NMNAT1: variants seen among roughly 807,000 people sequenced by gnomAD.
NMNAT1 encodes the protein nicotinamide nucleotide adenylyltransferase 1.
A neutral mutation model predicts 16.7 loss-of-function variants in NMNAT1; 11 were observed. The ratio of observed to expected loss-of-function variants is 0.66; its 90% CI spans 0.41 to 1.09. The LOEUF is 1.09. NMNAT1 is among the 50% of genes least tolerant of loss of function. NMNAT1 has a pLI of 0.00. For synonymous variants in NMNAT1, 110 were observed against 119.8 expected, an observed-to-expected ratio of 0.92 and a Z score of 0.53; for missense variants, 280 against 332.3, an observed-to-expected ratio of 0.84 and a Z score of 1.22.
intron 1 of NMNAT1, among the ~76,000 whole-genome samples, chr1:9,944,434 G>T (rs1036866321): frequency 6.6e-6 from 1 of 152,098 alleles, no homozygotes; most frequent in Non-Finnish European, 1.5e-5. Context: ...ATTTAATGAT[G>T]TTCTTAGTCC....
intron 4 of NMNAT1, 63 bp from the exon 5 acceptor site, chr1:9,982,238 C>T: frequency 6.6e-7 from 1 of 1,519,000 alleles, no homozygotes; most frequent in Non-Finnish European, 8.8e-7. Context: ...AAACCCCTTT[C>T]CACTTGGAGG....
At position 9,968,080 on chromosome 1, in the gene NMNAT1, G is replaced by GTTTTTTTTTGT. The variant is rs1553126650; in HGVS notation, c.-56-3928_-56-3927insTTTTTTTTTTG. Among the ~76,000 whole-genome samples, 20 of 117,774 alleles carry GTTTTTTTTTGT rather than the reference G, an allele frequency of 1.7e-4. 1 individual carries two copies. Among genetic ancestry groups the GTTTTTTTTTGT allele is most frequent in the Non-Finnish European group, 3.1e-4 (18 of 58,776 alleles). The allele number at this position is 117,774 out of a possible 152,430, so 77.3% of individuals were successfully genotyped here. A position where few individuals can be genotyped will look rare whatever the true frequency, so the allele number is the denominator to read the frequency against. ...TTTGCCAAATGTAGTTTTTTTTTTT[G>GTTTTTTTTTGT]TTTTTTTTTGAGATGGAGTCTCGCT... is the stretch of plus-strand genomic sequence containing the variant. On this transcript the variant is annotated intron_variant, in intron 1 of 4. Coordinates refer to ENST00000377205, the MANE Select transcript of NMNAT1 (RefSeq NM_022787.4).
intron 2 of NMNAT1, among the ~76,000 whole-genome samples, chr1:9,973,225 T>A (rs1641728760): frequency 6.6e-6 from 1 of 151,964 alleles, no homozygotes; most frequent in Non-Finnish European, 1.5e-5. Flanking sequence ...CAAGCAATTC[T>A]CCTGCCTCAC....
chr1:9,974,122 G>A (rs1215023090), intron 2 of NMNAT1, among the ~76,000 whole-genome samples: 1 of 152,102 alleles, frequency 6.6e-6, no homozygotes, highest in Non-Finnish European at 1.5e-5. Flanking sequence ...ACAGGCATGA[G>A]CCACCATAAC....
At chr1:9,988,491 A>G (rs1642073199), downstream of NMNAT1, among the ~76,000 whole-genome samples, 1 of 152,006 alleles carries the variant, frequency 6.6e-6, no homozygotes, top group Non-Finnish European at 1.5e-5. Flanking sequence ...ACCTAAGGTC[A>G]GGAGTTCGAC....
chr1:9,952,643 T>A (rs1467723303), intron 1 of NMNAT1, among the ~76,000 whole-genome samples: 1 of 152,034 alleles, frequency 6.6e-6, no homozygotes, highest in Non-Finnish European at 1.5e-5. Flanking sequence ...GTTCAAGTGA[T>A]TCTCCTGCCT....
In NMNAT1 at chr1:9,985,320, G is replaced by A. The variant is rs1362599591; in HGVS notation, c.*2619G>A. On this transcript the variant is annotated 3_prime_UTR_variant, in exon 5 of 5. Coordinates refer to ENST00000377205, the MANE Select transcript of NMNAT1 (RefSeq NM_022787.4). ...TGAGTGCCTTATATCATAAGGAAACGGCAAAATCAGGGGACTGGTATAAAT... is the reference window on the plus strand; with the variant it reads ...TGAGTGCCTTATATCATAAGGAAACAGCAAAATCAGGGGACTGGTATAAAT... The A allele has an allele frequency of 1.3e-5, 2 of 152,104 alleles. No individual in the cohort carries two copies. The highest frequency in any genetic ancestry group is 2.1e-4 in the South Asian group (1 of 4,832). The allele number at this position is 152,104 out of a possible 1,614,324, so 9.4% of individuals were successfully genotyped here.
chr1:9,979,525 G>A (rs1022661396), intron 3 of NMNAT1, among the ~76,000 whole-genome samples: 1 of 151,998 alleles, frequency 6.6e-6, no homozygotes, highest in Non-Finnish European at 1.5e-5. Flanking sequence ...TTGAGGCTGG[G>A]CGCAGTGGCT....
At chr1:9,976,058 G>C (rs973849030) in intron 3 of NMNAT1, among the ~76,000 whole-genome samples, 18 of 152,128 alleles carry the variant, frequency 1.2e-4, no homozygotes, top group Non-Finnish European at 1.9e-4. Context: ...AGGCTGAGGC[G>C]GGTGGATCAG....
intron 3 of NMNAT1, among the ~76,000 whole-genome samples, chr1:9,979,954 G>A (rs1379984322): frequency 6.6e-6 from 1 of 151,246 alleles, no homozygotes; most frequent in African/African-American, 2.4e-5. Context: ...CTTTTGAGGC[G>A]GAGTTTTGCT....
At chr1:9,977,525 T>G (rs1362880407) in intron 3 of NMNAT1, among the ~76,000 whole-genome samples, 1 of 152,176 alleles carries the variant, frequency 6.6e-6, no homozygotes, top group Non-Finnish European at 1.5e-5. Context: ...AAACCCACTC[T>G]GGATATTTTA....
intron 1 of NMNAT1, among the ~76,000 whole-genome samples, chr1:9,951,718 G>C (rs1641115272): frequency 6.6e-6 from 1 of 152,080 alleles, no homozygotes; most frequent in African/African-American, 2.4e-5. Flanking sequence ...CAATCGATCT[G>C]CCTGCCTCAG....
At chr1:9,943,379 G>A (rs921250429), upstream of NMNAT1, 3 of 152,476 alleles carry the variant, frequency 2.0e-5, no homozygotes, top group African/African-American at 7.2e-5. Context: ...GACCGCGCCG[G>A]GGGAGCACTT....
At chr1:9,945,095 G>A (rs906514241) in intron 1 of NMNAT1, among the ~76,000 whole-genome samples, 44 of 152,156 alleles carry the variant, frequency 2.9e-4, no homozygotes, top group Middle Eastern at 3.4e-3. Flanking sequence ...TTAACCAGGC[G>A]TGGTGGTCCA....
chr1:9,990,838 A>G, the NMNAT1 span, among the ~76,000 whole-genome samples: 1 of 152,170 alleles, frequency 6.6e-6, no homozygotes, highest in Admixed American at 6.6e-5. Context: ...CCAGCACCAA[A>G]CAGAAGGAAA....
downstream of NMNAT1, among the ~76,000 whole-genome samples, chr1:9,988,951 C>T (rs1642078179): frequency 6.6e-6 from 1 of 151,942 alleles, no homozygotes; most frequent in Non-Finnish European, 1.5e-5. Context: ...GCCTCTGTGC[C>T]CAGCCAAAAG....
chr1:9,975,706 C>G lies in NMNAT1; in HGVS notation c.230C>G (p.Ser77Cys), dbSNP rs1641791693. 1 of 1,613,892 alleles carries G rather than the reference C, an allele frequency of 6.2e-7. No individual in the cohort carries two copies. The highest frequency in any genetic ancestry group is 1.3e-5 in the African/African-American group (1 of 74,896). Residue 77 changes from serine to cysteine, a missense_variant, in exon 3 of 5, where the codon TCT becomes TGT. Ser to Cys is a moderately radical substitution (Grantham distance 112). Coordinates refer to ENST00000377205, the MANE Select transcript of NMNAT1 (RefSeq NM_022787.4). ...VIMAELATKN[S>C]KWVEVDTWES... ...ATGGCAGAACTTGCTACCAAGAATTCTAAATGGGTGGAAGTTGATACATGG... is the reference window on the plus strand; with the variant it reads ...ATGGCAGAACTTGCTACCAAGAATTGTAAATGGGTGGAAGTTGATACATGG...
At chr1:9,993,359 G>A in the NMNAT1 span, among the ~76,000 whole-genome samples, 1 of 151,878 alleles carries the variant, frequency 6.6e-6, no homozygotes, top group Non-Finnish European at 1.5e-5. Flanking sequence ...TGCGCTTGTA[G>A]TCCCAGCTAC....
chr1:9,962,731 G>GAGT (rs1232843541), intron 1 of NMNAT1, among the ~76,000 whole-genome samples: 1 of 136,470 alleles, frequency 7.3e-6, no homozygotes, highest in Non-Finnish European at 1.5e-5. Context: ...GCCCAGGCTG[G>GAGT]AGTGCAGTGG....
Sources: allele counts gnomAD v4.1 joint callset (sites outside exome capture counted in the v4.1 genomes callset), GRCh38; gene constraint gnomAD v4.1.1; transcripts MANE v1.5; gene names NCBI Gene and HGNC (gene_info 2026-07-23, HGNC 2026-07-21).